The following IPO8 variants were observed in gnomAD, a reference collection of about 807,000 sequenced individuals.
IPO8 encodes importin 8.
A neutral mutation model predicts 141.2 loss-of-function variants in IPO8; 65 were observed. The observed-to-expected ratio is 0.46, with a 90% CI of 0.38 to 0.57. The LOEUF is 0.57. IPO8 is among the 20% of genes least tolerant of loss of function. The pLI is 0.00. For missense variants in IPO8, 980 were observed against 1,246.8 expected, an observed-to-expected ratio of 0.79 and a Z score of 3.22; for synonymous variants, 411 against 420.3, an observed-to-expected ratio of 0.98 and a Z score of 0.27.
In IPO8 at chr12:30,636,994, T is replaced by C. The variant is rs1417071047; in HGVS notation, c.2683A>G (p.Met895Val). The C allele has an allele frequency of 6.2e-7, 1 of 1,613,614 alleles. No homozygotes were observed. Among genetic ancestry groups the C allele is most frequent in the Non-Finnish European group, 8.5e-7 (1 of 1,179,636 alleles). ...TAGAAGACTTTACCATTTTCTTCCA[T>C]ATCAGCTTTCTCTGCTTTTGAACGA... The part of the protein sequence containing the change: ...EDRSKAEKAD[M>V]EENEEISSDE... The change falls in exon 22 of 25, where the codon ATG becomes GTG. Residue 895 changes from methionine to valine, a missense_variant. Met to Val is a conservative substitution (Grantham distance 21). Coordinates refer to ENST00000256079, the MANE Select transcript of IPO8 (RefSeq NM_006390.4).
intron 20 of IPO8, among the ~76,000 whole-genome samples, chr12:30,645,867 G>GAAAAC (rs200753347): frequency 4.0e-5 from 6 of 151,348 alleles, no homozygotes; most frequent in South Asian, 2.1e-4. Flanking sequence ...ACTACCCACC[G>GAAAAC]AAAACAAAAC....
chr12:30,648,779 T>C (rs1338084429), intron 20 of IPO8, among the ~76,000 whole-genome samples: 2 of 152,106 alleles, frequency 1.3e-5, no homozygotes, highest in Non-Finnish European at 2.9e-5. Context: ...TTTTCTATAG[T>C]ACCTTAATTT....
Position 30,631,948 on chromosome 12 carries a change from C to G in IPO8, c.2963G>C (p.Arg988Thr), listed in dbSNP as rs1163294800. The stretch of plus-strand genomic sequence containing the variant: ...TGTGTACACCTCCTGCAGTGCTGTC[C>G]TCTGATCCTCGCTGAGTGGTGCCAT... ...LLMAPLSEDQRTALQEVYTLA... is the reference protein window; with the variant it reads ...LLMAPLSEDQTTALQEVYTLA... The change falls in exon 24 of 25, where the codon AGG (arginine) becomes ACG (threonine). Residue 988 changes from arginine to threonine, a missense_variant. Around this residue, in one of 3 missense-constraint regions of IPO8, gnomAD observed 924 missense variants for 1,153.9 expected, o/e 0.80. Coordinates refer to ENST00000256079, the MANE Select transcript of IPO8 (RefSeq NM_006390.4). 3 of 1,613,100 alleles carry G rather than the reference C, an allele frequency of 1.9e-6. No individual in the cohort carries two copies. In the Admixed American group the frequency reaches 5.0e-5, roughly 27 times the overall value.
chr12:30,630,210 C>T lies in IPO8; in HGVS notation c.*650G>A, dbSNP rs2052411030. ...AAAAATGAGAGAAGAGGGAGTAAGA[C>T]ACTTCTTTAAAAAGCCACAAAACAT... is the stretch of plus-strand genomic sequence containing the variant. On this transcript the variant is annotated 3_prime_UTR_variant, in exon 25 of 25. Transcript: ENST00000256079. 6.6e-6 allele frequency: 1 copy of T among 152,060 alleles called. No individual in the cohort carries two copies. The highest frequency in any genetic ancestry group is 2.4e-5 in the African/African-American group (1 of 41,388). The allele number at this position is 152,060 out of a possible 1,614,324, so 9.4% of individuals were successfully genotyped here.
rs970430710 is a variant in IPO8, at chr12:30,629,257, T to C, written c.*1603A>G. The C allele has an allele frequency of 3.9e-5, 6 of 152,224 alleles. No homozygotes were observed. The highest frequency in any genetic ancestry group is 2.1e-4 in the South Asian group (1 of 4,832). 9.4% of individuals were successfully genotyped at this position (152,224 alleles called of 1,614,324 possible). A position where few individuals can be genotyped will look rare whatever the true frequency, so the allele number is the denominator to read the frequency against. Reference sequence around the variant, plus strand: ...TTATTTATGTTAAAATTAGACCATGTGGAACATGAGAATAAAGAGTTTGAA... The same window carrying C: ...TTATTTATGTTAAAATTAGACCATGCGGAACATGAGAATAAAGAGTTTGAA... On this transcript the variant is annotated 3_prime_UTR_variant, in exon 25 of 25. Coordinates refer to ENST00000256079, the MANE Select transcript of IPO8 (RefSeq NM_006390.4).
chr12:30,690,862 A>C (rs75668824), intron 1 of IPO8, among the ~76,000 whole-genome samples: 1 of 152,178 alleles, frequency 6.6e-6, no homozygotes, highest in Non-Finnish European at 1.5e-5. Flanking sequence ...CAACAGCAGC[A>C]TATGGTAGTG....
intron 5 of IPO8, among the ~76,000 whole-genome samples, chr12:30,677,472 T>C (rs1253685115): frequency 6.6e-6 from 1 of 152,210 alleles, no homozygotes; most frequent in African/African-American, 2.4e-5. Context: ...CTTTTCATCA[T>C]TAGAGTGTAC....
chr12:30,642,230 T>C (rs2052584614), intron 20 of IPO8, among the ~76,000 whole-genome samples: 1 of 151,856 alleles, frequency 6.6e-6, no homozygotes, highest in African/African-American at 2.4e-5. Context: ...AATCTGTGCA[T>C]ATTAGAGTAT....
chr12:30,674,017 CA>C lies in IPO8; in HGVS notation c.881del (p.Leu294Ter), dbSNP rs1565506392. Reference sequence around the variant, plus strand: ...GCTGAATGCCCACTGCATAGGTTTTCAAAAAGAATTCAGAAAATTCAAAGTA... The same window carrying C: ...GCTGAATGCCCACTGCATAGGTTTTCAAAAGAATTCAGAAAATTCAAAGTA... ...KEYFEFSEFFLKTYAVGIQQV... is the reference protein window; with the variant it reads ...KEYFEFSEFFXKTYAVGIQQV... On this transcript the variant is annotated frameshift_variant, in exon 8 of 25. Coordinates refer to ENST00000256079, the MANE Select transcript of IPO8 (RefSeq NM_006390.4). LOFTEE classifies it high-confidence loss of function. 1 of 1,590,574 alleles carries C rather than the reference CA, an allele frequency of 6.3e-7. No individual in the cohort carries two copies. Among genetic ancestry groups the C allele is most frequent in the Non-Finnish European group, 8.6e-7 (1 of 1,163,060 alleles).
chr12:30,635,616 GC>G (rs892084335), intron 22 of IPO8, among the ~76,000 whole-genome samples: 3 of 152,028 alleles, frequency 2.0e-5, no homozygotes, highest in Non-Finnish European at 4.4e-5. Context: ...GGCAGTAAAT[GC>G]AGAACAAAAA....
At chr12:30,651,802 T>C (rs965301849) in intron 19 of IPO8, among the ~76,000 whole-genome samples, 7 of 152,054 alleles carry the variant, frequency 4.6e-5, no homozygotes, top group African/African-American at 7.2e-5. Flanking sequence ...ATTTTTATCT[T>C]ATGTTGTTTA....
intron 2 of IPO8, 46 bp downstream of exon 2, chr12:30,690,450 A>T: frequency 9.5e-7 from 1 of 1,057,404 alleles, no homozygotes; most frequent in Non-Finnish European, 1.4e-6. Context: ...CTCTCATTCT[A>T]CTCTCACCTA....
chr12:30,631,869 C>A (rs1194161017), intron 24 of IPO8, 26 bp downstream of exon 24: 4 of 1,501,538 alleles, frequency 2.7e-6, no homozygotes, highest in South Asian at 1.1e-5. Flanking sequence ...CACATGCACT[C>A]CACTCTGGAG....
intron 20 of IPO8, among the ~76,000 whole-genome samples, chr12:30,642,648 A>G (rs2052590526): frequency 6.6e-6 from 1 of 151,084 alleles, no homozygotes; most frequent in Admixed American, 6.6e-5. Flanking sequence ...AGTACATATT[A>G]TATATATACA....
At chr12:30,656,556 T>G (rs1422978456) in intron 17 of IPO8, 128 bp downstream of exon 17, 3 of 524,350 alleles carry the variant, frequency 5.7e-6, no homozygotes, top group Non-Finnish European at 1.0e-5. Flanking sequence ...CATCCAAAAA[T>G]TGAAGTGATT....
intron 3 of IPO8, 37 bp downstream of exon 3, chr12:30,684,264 T>C (rs1047573339): frequency 1.2e-5 from 19 of 1,596,878 alleles, no homozygotes; most frequent in Non-Finnish European, 1.5e-5. Context: ...AACCATTTCA[T>C]GCTTTCTAGT....
At chr12:30,680,019 G>A (rs1419963832) in intron 5 of IPO8, among the ~76,000 whole-genome samples, 5 of 151,826 alleles carry the variant, frequency 3.3e-5, no homozygotes, top group African/African-American at 1.2e-4. Context: ...TTAAACCAAG[G>A]AAAATGAACC....
intron 1 of IPO8, among the ~76,000 whole-genome samples, chr12:30,693,288 A>G (rs1048618422): frequency 3.9e-5 from 6 of 152,224 alleles, no homozygotes; most frequent in African/African-American, 1.4e-4. Flanking sequence ...TAAAACTACA[A>G]ATACATTTTC....
chr12:30,673,118 G>A (rs1404027068), intron 8 of IPO8, among the ~76,000 whole-genome samples: 2 of 152,068 alleles, frequency 1.3e-5, no homozygotes, highest in Non-Finnish European at 2.9e-5. Context: ...AATTAGCCAG[G>A]TGTGGTGATG....
Sources: gnomAD v4.1 joint callset for allele counts (sites outside exome capture counted in the v4.1 genomes callset) on GRCh38, gnomAD v4.1.1 for gene constraint, gnomAD v4.1.1 regional missense constraint, MANE v1.5 for transcripts, NCBI Gene and HGNC (gene_info 2026-07-23, HGNC 2026-07-21) for gene names.